The following FILIP1 variants were observed in gnomAD, a reference collection of about 807,000 sequenced individuals.
FILIP1 encodes filamin-A-interacting protein 1.
In FILIP1, 61 loss-of-function variants were observed where a neutral mutation model predicts 102.1. That is an observed-to-expected ratio of 0.60 (90% CI 0.49 to 0.74). The LOEUF is 0.74. Ranked by LOEUF, FILIP1 falls within the 30% of genes least tolerant of loss-of-function variation. FILIP1 has a pLI of 0.00. For synonymous variants in FILIP1, 491 were observed against 526.9 expected, an observed-to-expected ratio of 0.93 and a Z score of 0.93; for missense variants, 1,314 against 1,441.2, an observed-to-expected ratio of 0.91 and a Z score of 1.43.
chr6:75,292,822 G>A (rs1772576440), exon 7 of FILIP1: 2 of 152,116 alleles, frequency 1.3e-5, no homozygotes, highest in South Asian at 4.1e-4. Context: ...CTCAACCACA[G>A]CATTAGGAGA....
chr6:75,440,755 C>A (rs1778184203), intron 1 of FILIP1, among the ~76,000 whole-genome samples: 1 of 152,004 alleles, frequency 6.6e-6, no homozygotes, highest in South Asian at 2.1e-4. Flanking sequence ...TTCAAGACCA[C>A]CCTGACCAAC....
At chr6:75,485,818 T>C (rs923219354) in intron 1 of FILIP1, among the ~76,000 whole-genome samples, 2 of 152,132 alleles carry the variant, frequency 1.3e-5, no homozygotes, top group Non-Finnish European at 2.9e-5. Flanking sequence ...TTTCTTAAAC[T>C]ACAGCAAGCT....
In FILIP1 at chr6:75,314,995, T is replaced by C. The variant is rs34148186; in HGVS notation, c.837A>G (p.Glu279=). The C allele has an allele frequency of 3.1e-3, 4,965 of 1,613,982 alleles. 37 individuals are homozygous for C. Among genetic ancestry groups the C allele is most frequent in the African/African-American group, 0.022 (1,673 of 75,028 alleles). Residue 279 remains glutamate (E), a synonymous_variant, in exon 5 of 6, where the codon GAA becomes GAG. Coordinates refer to ENST00000237172, the MANE Select transcript of FILIP1 (RefSeq NM_015687.5). ...QDLTQKLREE[E]EKLKAITSKS... is the part of the protein sequence containing the mutation. ...TGGAAGTAATGGCTTTGAGCTTCTC[T>C]TCTTCTTCCCTCAGCTTCTGAGTAA...
Position 75,314,212 on chromosome 6 carries a change from A to G in FILIP1, c.1620T>C (p.Val540=). Residue 540 remains valine, a synonymous_variant, in exon 5 of 6, where the codon GTT becomes GTC. Coordinates refer to ENST00000237172, the MANE Select transcript of FILIP1 (RefSeq NM_015687.5). ...CAATTAGTTTTTCAGTTACATCCATAACTTTTCCTTGTTCCACCTTAAAAT... is the reference window on the plus strand; with the variant it reads ...CAATTAGTTTTTCAGTTACATCCATGACTTTTCCTTGTTCCACCTTAAAAT... ...NKNFKVEQGK[V]MDVTEKLIEE... is the part of the protein sequence containing the mutation. The G allele has an allele frequency of 6.4e-7, 1 of 1,561,622 alleles. No individual in the cohort carries two copies. Among genetic ancestry groups the G allele is most frequent in the Non-Finnish European group, 8.6e-7 (1 of 1,164,670 alleles).
chr6:75,303,530 T>C (rs547121609), downstream of FILIP1, among the ~76,000 whole-genome samples: 1 of 152,152 alleles, frequency 6.6e-6, no homozygotes, highest in Non-Finnish European at 1.5e-5. Context: ...TTGCCCTTAC[T>C]AGAGACCAGA....
intron 1 of FILIP1, among the ~76,000 whole-genome samples, chr6:75,448,373 GATTA>G (rs1778509815): frequency 6.6e-6 from 1 of 152,118 alleles, no homozygotes; most frequent in Non-Finnish European, 1.5e-5. Context: ...AATGAAATAT[GATTA>G]ATTCTTATGT....
At chr6:75,372,710 AAAG>A (rs751406748) in intron 2 of FILIP1, among the ~76,000 whole-genome samples, 3,709 of 46,220 alleles carry the variant, frequency 0.08, 170 homozygotes, top group African/African-American at 0.098. Flanking sequence ...AGAAAGAAAG[AAAG>A]GAAAGAAAGA....
intron 4 of FILIP1, among the ~76,000 whole-genome samples, chr6:75,340,567 C>G (rs1441018068): frequency 6.6e-6 from 1 of 152,214 alleles, no homozygotes; most frequent in Non-Finnish European, 1.5e-5. Flanking sequence ...ATTGGTCTGT[C>G]TGCTCATGTA....
intron 1 of FILIP1, among the ~76,000 whole-genome samples, chr6:75,453,630 G>A (rs1277756416): frequency 2.0e-5 from 3 of 152,104 alleles, no homozygotes; most frequent in Non-Finnish European, 4.4e-5. Context: ...GGGCAACATA[G>A]CAAGACCCCA....
intron 2 of FILIP1, among the ~76,000 whole-genome samples, chr6:75,412,573 C>T (rs565374131): frequency 1.7e-3 from 266 of 152,212 alleles, no homozygotes; most frequent in Middle Eastern, 6.8e-3. Flanking sequence ...CCAGTCCACC[C>T]ACATTTGCTA....
intron 1 of FILIP1, among the ~76,000 whole-genome samples, chr6:75,484,305 C>T (rs183269982): frequency 9.9e-5 from 15 of 152,234 alleles, no homozygotes; most frequent in African/African-American, 2.6e-4. Flanking sequence ...ATTCTACCTG[C>T]GGAAGGTTTT....
intron 5 of FILIP1, among the ~76,000 whole-genome samples, chr6:75,310,581 T>A (rs1451673881): frequency 6.6e-6 from 1 of 152,234 alleles, no homozygotes; most frequent in Non-Finnish European, 1.5e-5. Context: ...TACCCGTGTA[T>A]GAGGTTTAAT....
intron 1 of FILIP1, among the ~76,000 whole-genome samples, chr6:75,448,986 G>A (rs1332933916): frequency 2.0e-5 from 3 of 152,138 alleles, no homozygotes; most frequent in African/African-American, 7.2e-5. Flanking sequence ...TATCTACCCA[G>A]AGGAAAATAA....
intron 2 of FILIP1, among the ~76,000 whole-genome samples, chr6:75,372,634 AAAG>A (rs1369033482): frequency 5.2e-5 from 3 of 57,540 alleles, no homozygotes; most frequent in African/African-American, 2.8e-4. Flanking sequence ...AGAAAGAAAG[AAAG>A]AAAGAAAGAA....
intron 1 of FILIP1, among the ~76,000 whole-genome samples, chr6:75,457,907 T>A (rs1361669745): frequency 3.3e-5 from 5 of 152,306 alleles, no homozygotes; most frequent in East Asian, 3.9e-4. Flanking sequence ...ATATATTTTT[T>A]AAAAACTTTT....
At chr6:75,354,975 A>T (rs1288047528) in intron 3 of FILIP1, among the ~76,000 whole-genome samples, 1 of 152,198 alleles carries the variant, frequency 6.6e-6, no homozygotes, top group Non-Finnish European at 1.5e-5. Flanking sequence ...TAGACAGTAC[A>T]TATCTCTAAA....
At chr6:75,454,639 G>A (rs1213324373) in intron 1 of FILIP1, among the ~76,000 whole-genome samples, 1 of 152,170 alleles carries the variant, frequency 6.6e-6, no homozygotes, top group Non-Finnish European at 1.5e-5. Context: ...AATTTAATTA[G>A]AGTCCGTGAA....
At chr6:75,325,668 T>C (rs773495797) in intron 4 of FILIP1, among the ~76,000 whole-genome samples, 5 of 151,864 alleles carry the variant, frequency 3.3e-5, no homozygotes, top group Non-Finnish European at 7.4e-5. Flanking sequence ...ATCAGGAAAA[T>C]GCAAAATCAA....
intron 1 of FILIP1, among the ~76,000 whole-genome samples, chr6:75,443,971 C>CA (rs1381171015): frequency 6.6e-6 from 1 of 152,010 alleles, no homozygotes; most frequent in Non-Finnish European, 1.5e-5. Flanking sequence ...TTTGTAGAGA[C>CA]AAAATGAAGT....
Sources: allele counts gnomAD v4.1 joint callset (sites outside exome capture counted in the v4.1 genomes callset), GRCh38; gene constraint gnomAD v4.1.1; transcripts MANE v1.5; gene names NCBI Gene and HGNC (gene_info 2026-07-23, HGNC 2026-07-21).